Variants in NFATC1 observed in about 807,000 individuals in gnomAD.
NFATC1 encodes nuclear factor of activated T-cells, cytoplasmic 1.
Under a neutral mutation model 76.0 loss-of-function variants are expected in NFATC1, and 22 were observed. That is an observed-to-expected ratio of 0.29 (90% confidence interval 0.21 to 0.41). NFATC1 has a LOEUF of 0.41. Among genes scored for constraint, NFATC1 ranks in the 10% least tolerant of loss-of-function variants. The pLI is 1.00. For missense variants in NFATC1, 1,357 were observed against 1,337.7 expected (o/e 1.01, Z -0.23); for synonymous variants, 704 against 613.1 (o/e 1.15, Z -2.19).
intron 8 of NFATC1, among the ~76,000 whole-genome samples, chr18:79,473,391 C>T (rs527397284): frequency 6.2e-4 from 95 of 152,022 alleles, no homozygotes; most frequent in Non-Finnish European, 1.8e-4. Context: ...GTCAACGTTG[C>T]GAGGGAAGCG....
At chr18:79,520,533 G>GT (rs201379146) in intron 9 of NFATC1, among the ~76,000 whole-genome samples, 3,739 of 141,458 alleles carry the variant, frequency 0.026, 85 homozygotes, top group Admixed American at 0.052. Flanking sequence ...TCTGTGTGTG[G>GT]GGGGGGGAGG....
chr18:79,468,331 C>G (rs1041793721), intron 8 of NFATC1: 5 of 152,330 alleles, frequency 3.3e-5, no homozygotes, highest in African/African-American at 9.6e-5. Flanking sequence ...AGGCCACTCC[C>G]CCCAGCTCGG....
intron 3 of NFATC1, among the ~76,000 whole-genome samples, chr18:79,437,674 GCCACCCTCTGCCCT>G (rs1331469809): frequency 6.6e-6 from 1 of 152,216 alleles, no homozygotes; most frequent in African/African-American, 2.4e-5. Context: ...TCGGGCAGCC[GCCACCCTCTGCCCT>G]CCACCCTCTG....
intron 2 of NFATC1, among the ~76,000 whole-genome samples, chr18:79,423,840 G>A (rs866425869): frequency 7.9e-5 from 12 of 152,202 alleles, no homozygotes; most frequent in Admixed American, 6.5e-5. Flanking sequence ...GTCCCACGTG[G>A]AGAGGAGGCC....
intron 7 of NFATC1, among the ~76,000 whole-genome samples, chr18:79,463,058 C>T (rs1293073013): frequency 6.6e-6 from 1 of 152,212 alleles, no homozygotes; most frequent in Non-Finnish European, 1.5e-5. Context: ...CGTCTTCCAC[C>T]CTGCGACTTC....
At chr18:79,522,366 C>A in intron 9 of NFATC1, among the ~76,000 whole-genome samples, 1 of 46,200 alleles carries the variant, frequency 2.2e-5, no homozygotes, top group Non-Finnish European at 3.6e-5. Context: ...ATGTTTGTGT[C>A]TCTGTGTGTG....
Position 79,406,754 on chromosome 18 carries a change from G to A in NFATC1, c.128-3649G>A, listed in dbSNP as rs569648168. ...CCCCAGGAGCCGCAGGCCTGCGCTCGACAAAACCCCCTCGTGGGTCCCCCA... is the reference window on the plus strand; with the variant it reads ...CCCCAGGAGCCGCAGGCCTGCGCTCAACAAAACCCCCTCGTGGGTCCCCCA... On this transcript the variant is annotated intron_variant, in intron 1 of 9. Transcript: ENST00000427363. Among the ~76,000 whole-genome samples the A allele has an allele frequency of 1.5e-4, 23 of 152,196 alleles. No homozygotes were observed. The South Asian group carries it at 1.7e-3, about 11-fold the overall frequency.
intron 2 of NFATC1, among the ~76,000 whole-genome samples, chr18:79,430,603 G>C (rs1303565438): frequency 6.6e-6 from 1 of 152,188 alleles, no homozygotes; most frequent in Non-Finnish European, 1.5e-5. Flanking sequence ...GGATGGTCTT[G>C]GTCTCCTGAC....
chr18:79,440,612 C>T (rs1043336916), intron 3 of NFATC1, among the ~76,000 whole-genome samples: 28 of 152,320 alleles, frequency 1.8e-4, no homozygotes, highest in African/African-American at 5.8e-4. Flanking sequence ...GGTCCCTGCC[C>T]GTTTCTCCGA....
At position 79,522,379 on chromosome 18, in the gene NFATC1, G is replaced by T. The variant is rs867166140; in HGVS notation, c.2783-5149G>T. ...TGATGTTTGTGTCTCTGTGTGTGTG[G>T]GGGGGGGTGCGTCCACGGATTGTGT... On this transcript the variant is annotated intron_variant, in intron 9 of 9. Transcript: ENST00000427363. Among the ~76,000 whole-genome samples, 235 of 80,158 alleles carry T rather than the reference G, an allele frequency of 2.9e-3. 4 individuals carry two copies. Among genetic ancestry groups the T allele is most frequent in the South Asian group, 0.02 (43 of 2,204 alleles). 52.6% of individuals were successfully genotyped at this position (80,158 alleles called of 152,430 possible). A position where few individuals can be genotyped will look rare whatever the true frequency, so the allele number is the denominator to read the frequency against.
intron 8 of NFATC1, among the ~76,000 whole-genome samples, chr18:79,474,606 A>G (rs1456739828): frequency 2.4e-4 from 33 of 139,944 alleles, no homozygotes; most frequent in Middle Eastern, 4.7e-3. Context: ...TCTCACGCTC[A>G]CTGTTGACGT....
rs186617672 is a variant in NFATC1 at position 79,485,548 on chromosome 18, C to T, written c.2093-700C>T. On this transcript the variant is annotated intron_variant, in intron 8 of 9. Transcript: ENST00000427363. ...GGTGTCGGCTCTGGCCCGGGCCTGG[C>T]GGAGCAGCCTTGGGGACCCAGCACC... Among the ~76,000 whole-genome samples, 80 of 151,150 alleles carry T rather than the reference C, an allele frequency of 5.3e-4. 1 individual carries two copies. Among genetic ancestry groups the T allele is most frequent in the Non-Finnish European group, 1.0e-3 (68 of 67,764 alleles).
chr18:79,479,864 G>A (rs2089212519), intron 8 of NFATC1, among the ~76,000 whole-genome samples: 1 of 152,238 alleles, frequency 6.6e-6, no homozygotes, highest in African/African-American at 2.4e-5. Context: ...CCCGGTCCCG[G>A]TGGGAGGCAG....
At chr18:79,424,653 GTCTCTGTCTCTCCA>G (rs2086224743) in intron 2 of NFATC1, among the ~76,000 whole-genome samples, 1 of 136,716 alleles carries the variant, frequency 7.3e-6, no homozygotes, top group African/African-American at 2.8e-5. Flanking sequence ...CTCTCTTTCC[GTCTCTGTCTCTCCA>G]TCTCTGTCTC....
rs528628470 is a variant in NFATC1 at position 79,424,228 on chromosome 18, C to T, written c.1227-9351C>T. On this transcript the variant is annotated intron_variant, in intron 2 of 9. Transcript: ENST00000427363. ...GCCGCACTATCACCGAGAAACGCGG[C>T]GTGTGCGGGCCCACCTGGCCTCTTT... is the stretch of plus-strand genomic sequence containing the variant. Among the ~76,000 whole-genome samples the T allele has an allele frequency of 8.1e-4, 124 of 152,328 alleles. 1 individual carries two copies. The South Asian group carries it at 0.01, about 12-fold the overall frequency.
At chr18:79,507,019 G>GC (rs1569039927) in intron 9 of NFATC1, among the ~76,000 whole-genome samples, 1 of 152,208 alleles carries the variant, frequency 6.6e-6, no homozygotes, top group African/African-American at 2.4e-5. Flanking sequence ...GGACCCAGCG[G>GC]CCGGGCCAGC....
rs1168661618 is a variant in NFATC1, at chr18:79,486,927, C to T, written c.2772C>T (p.Tyr924=). ...KREPEELDQL[Y]LDDVNEIIRN... The stretch of plus-strand genomic sequence containing the variant: ...AGCCTGAAGAGTTGGACCAGTTGTA[C>T]CTGGATGACGGTGAGTGCCCGCAGC... Residue 924 remains tyrosine, a synonymous_variant, in exon 9 of 10, where the codon TAC becomes TAT. Transcript: ENST00000427363. 11 of 1,594,450 alleles carry T rather than the reference C, an allele frequency of 6.9e-6. No individual in the cohort carries two copies. Among genetic ancestry groups the T allele is most frequent in the Non-Finnish European group, 8.6e-6 (10 of 1,168,192 alleles).
chr18:79,511,402 A>G (rs1012374667), intron 9 of NFATC1, among the ~76,000 whole-genome samples: 1 of 152,150 alleles, frequency 6.6e-6, no homozygotes, highest in East Asian at 1.9e-4. Context: ...TGACTTTTCT[A>G]TTCTTTGCAA....
intron 7 of NFATC1, among the ~76,000 whole-genome samples, chr18:79,462,422 C>T (rs1223591767): frequency 6.6e-6 from 1 of 152,100 alleles, no homozygotes; most frequent in African/African-American, 2.4e-5. Flanking sequence ...CTGCAACCTC[C>T]ACCTCCCGAG....
Sources: allele counts gnomAD v4.1 joint callset (sites outside exome capture counted in the v4.1 genomes callset), GRCh38; gene constraint gnomAD v4.1.1; transcripts MANE v1.5; gene names NCBI Gene and HGNC (gene_info 2026-07-23, HGNC 2026-07-21).